The following CLUAP1 variants were observed in gnomAD, a reference collection of about 807,000 sequenced individuals.
CLUAP1 encodes the protein intraflagellar transport 38.
A neutral mutation model predicts 55.0 loss-of-function variants in CLUAP1; 50 were observed. The ratio of observed to expected loss-of-function variants is 0.91; its 90% CI spans 0.72 to 1.15. The LOEUF (loss-of-function observed/expected upper bound fraction) is 1.15. Among genes scored for constraint, CLUAP1 ranks in the 50% most tolerant of loss-of-function variants. The pLI, the probability that CLUAP1 is intolerant of heterozygous loss-of-function variation, is 0.00. For missense variants in CLUAP1, 530 were observed against 507.6 expected, an observed-to-expected ratio of 1.04 and a Z score of -0.42; for synonymous variants, 195 against 175.4, an observed-to-expected ratio of 1.11 and a Z score of -0.88.
chr16:3,511,697 G>C (rs1472766340), intron 4 of CLUAP1, among the ~76,000 whole-genome samples: 1 of 152,192 alleles, frequency 6.6e-6, no homozygotes, highest in Admixed American at 6.5e-5. Context: ...TGTGGCTTCA[G>C]TTTGAGGTGA....
At chr16:3,498,732 C>T (rs978665362), upstream of CLUAP1, among the ~76,000 whole-genome samples, 1 of 151,932 alleles carries the variant, frequency 6.6e-6, no homozygotes. Context: ...TGGTGGTGGG[C>T]GCCTGTAGTC....
rs1228630608 is a variant in CLUAP1 at position 3,537,261 on chromosome 16, AAAC to A, written c.*998_*1000del. ...ACAGATTCATGTTTCTGATTTAAAA[AAAC>A]AACAACACAGGATTGAATTAAGTAG... is the stretch of plus-strand genomic sequence containing the variant. On this transcript the variant is annotated 3_prime_UTR_variant, in exon 12 of 12. Transcript: ENST00000576634. The A allele has an allele frequency of 1.3e-5, 2 of 152,374 alleles. No homozygotes were observed. Among genetic ancestry groups the A allele is most frequent in the African/African-American group, 2.4e-5 (1 of 41,598 alleles). 9.4% of individuals were successfully genotyped at this position (152,374 alleles called of 1,614,324 possible). A position where few individuals can be genotyped will look rare whatever the true frequency, so the allele number is the denominator to read the frequency against.
At chr16:3,496,963 C>T (rs1374524530), upstream of CLUAP1, among the ~76,000 whole-genome samples, 2 of 151,534 alleles carry the variant, frequency 1.3e-5, no homozygotes, top group East Asian at 1.9e-4. Context: ...CTCCGCCTCC[C>T]GAGTTCAAGA....
Position 3,504,780 on chromosome 16 carries a change from G to A in CLUAP1, c.83G>A (p.Arg28His), listed in dbSNP as rs754881174. 54 of 1,613,586 alleles carry A rather than the reference G, an allele frequency of 3.3e-5. 1 individual carries two copies. The highest frequency in any genetic ancestry group is 1.7e-4 in the Admixed American group (10 of 60,026). Residue 28 changes from arginine (R) to histidine (H), a missense_variant, in exon 2 of 12, where the codon CGT becomes CAT. Physicochemically the swap from Arg to His is conservative, Grantham distance 29. Transcript: ENST00000576634. Reference sequence around the variant, plus strand: ...CGACATATTTCTATGGAAAATTTCCGTACACCCAATTTTGGACTTGTATCT... The same window carrying A: ...CGACATATTTCTATGGAAAATTTCCATACACCCAATTTTGGACTTGTATCT... ...YPRHISMENF[R>H]TPNFGLVSEV...
At chr16:3,504,094 A>G (rs572715197) in intron 1 of CLUAP1, among the ~76,000 whole-genome samples, 61 of 152,366 alleles carry the variant, frequency 4.0e-4, no homozygotes, top group Non-Finnish European at 7.8e-4. Flanking sequence ...CCTATGGATC[A>G]ACAAGTATTA....
At chr16:3,495,595 G>A in the CLUAP1 span, 1 of 1,363,186 alleles carries the variant, frequency 7.3e-7, no homozygotes, top group South Asian at 1.5e-5. Context: ...AGTGCCCAAG[G>A]CAAGGGCAGG....
At chr16:3,531,206 G>A (rs955177420) in intron 10 of CLUAP1, among the ~76,000 whole-genome samples, 1 of 152,084 alleles carries the variant, frequency 6.6e-6, no homozygotes, top group Non-Finnish European at 1.5e-5. Context: ...ATTCCGGCCC[G>A]GGCAACATAG....
chr16:3,518,701 G>A (rs377165936), intron 6 of CLUAP1, among the ~76,000 whole-genome samples: 8 of 152,208 alleles, frequency 5.3e-5, no homozygotes, highest in African/African-American at 1.9e-4. Context: ...GCAGCAAATC[G>A]ATGATAAGGG....
chr16:3,512,262 G>A (rs535607777), intron 4 of CLUAP1, 121 bp from the exon 5 acceptor site: 14 of 667,030 alleles, frequency 2.1e-5, no homozygotes, highest in Non-Finnish European at 3.3e-5. Flanking sequence ...TTGGGAGGCT[G>A]AGGTCGGAGG....
In CLUAP1 at chr16:3,508,368, T is replaced by G. The variant is rs1168418675; in HGVS notation, c.299T>G (p.Ile100Ser). The G allele has an allele frequency of 6.2e-7, 1 of 1,609,804 alleles. No individual in the cohort carries two copies. The highest frequency in any genetic ancestry group is 8.5e-7 in the Non-Finnish European group (1 of 1,178,998). ...DGYAVKELLK[I>S]TSVLYNAMKT... Reference sequence around the variant, plus strand: ...TATGCGGTAAAAGAGCTGCTGAAGATCACATCTGTCCTTTATAATGCTATG... The same window carrying G: ...TATGCGGTAAAAGAGCTGCTGAAGAGCACATCTGTCCTTTATAATGCTATG... The change falls in exon 4 of 12, where the codon ATC becomes AGC. Residue 100 changes from isoleucine (I) to serine (S), a missense_variant. Ile to Ser is a moderately radical substitution (Grantham distance 142). Transcript: ENST00000576634.
At chr16:3,496,600 G>C, upstream of CLUAP1, 1 of 532,164 alleles carries the variant, frequency 1.9e-6, no homozygotes, top group Non-Finnish European at 3.7e-6. Context: ...ACTCCCTCAA[G>C]GACGGCGGCC....
At chr16:3,497,070 C>T (rs187477494), upstream of CLUAP1, among the ~76,000 whole-genome samples, 1 of 152,112 alleles carries the variant, frequency 6.6e-6, no homozygotes, top group Non-Finnish European at 1.5e-5. Flanking sequence ...AGGCTTTCGC[C>T]ATGTTGGCCA....
upstream of CLUAP1, among the ~76,000 whole-genome samples, chr16:3,500,676 T>C (rs1457711815): frequency 1.3e-5 from 2 of 151,966 alleles, no homozygotes; most frequent in African/African-American, 4.8e-5. Flanking sequence ...CAGCCAAGCA[T>C]CGTGCATTCT....
chr16:3,529,492 ATATTATATT>A (rs2038021949), intron 9 of CLUAP1, among the ~76,000 whole-genome samples: 3 of 68,656 alleles, frequency 4.4e-5, no homozygotes, highest in Non-Finnish European at 7.6e-5. Context: ...TTATATAATT[ATATTATATT>A]ATATATATTA....
intron 9 of CLUAP1, among the ~76,000 whole-genome samples, chr16:3,529,608 ATTATATAATATTAT>A (rs2038040035): frequency 2.5e-5 from 1 of 39,474 alleles, no homozygotes. Context: ...TATATTATAT[ATTATATAATATTAT>A]ATATTATATA....
rs770136831 is a variant in CLUAP1, at chr16:3,504,804, C to T, written c.107C>T (p.Ser36Phe). 6.2e-7 allele frequency: 1 copy of T among 1,610,038 alleles called. No homozygotes were observed. Among genetic ancestry groups the T allele is most frequent in the South Asian group, 1.1e-5 (1 of 90,982 alleles). ...CGTACACCCAATTTTGGACTTGTAT[C>T]TGAAGTGCTTCTCTGGCTTGTGAAA... ...NFRTPNFGLVSEVLLWLVKRY... is the reference protein window; with the variant it reads ...NFRTPNFGLVFEVLLWLVKRY... Residue 36 changes from serine to phenylalanine, a missense_variant, in exon 2 of 12, where the codon TCT (serine) becomes TTT (phenylalanine). Physicochemically the swap from Ser to Phe is radical, Grantham distance 155. Transcript: ENST00000576634.
intron 1 of CLUAP1, among the ~76,000 whole-genome samples, chr16:3,501,833 G>A (rs2037409176): frequency 6.6e-6 from 1 of 152,080 alleles, no homozygotes; most frequent in Non-Finnish European, 1.5e-5. Context: ...AGGAGGCTGG[G>A]TGATAATCAT....
At chr16:3,496,816 G>T, upstream of CLUAP1, 2 of 332,626 alleles carry the variant, frequency 6.0e-6, no homozygotes, top group South Asian at 2.6e-5. Flanking sequence ...AAAACAAAAA[G>T]TTAAAACATT....
intron 5 of CLUAP1, chr16:3,515,275 G>C: frequency 2.7e-6 from 1 of 364,262 alleles, no homozygotes; most frequent in Non-Finnish European, 4.9e-6. Context: ...TAGAGTTGGG[G>C]TCACCTAGGC....
Sources: gnomAD v4.1 joint callset for allele counts (sites outside exome capture counted in the v4.1 genomes callset) on GRCh38, gnomAD v4.1.1 for gene constraint, MANE v1.5 for transcripts, NCBI Gene and HGNC (gene_info 2026-07-23, HGNC 2026-07-21) for gene names.